TGM2: variants seen among roughly 807,000 people sequenced by gnomAD.
TGM2 encodes the protein transglutaminase 2.
A neutral mutation model predicts 75.6 loss-of-function variants in TGM2; 53 were observed. The observed-to-expected ratio is 0.70, with a 90% CI of 0.56 to 0.88. The LOEUF (loss-of-function observed/expected upper bound fraction) is 0.88. Among genes scored for constraint, TGM2 ranks in the 40% least tolerant of loss-of-function variants. The pLI, the probability that TGM2 is intolerant of heterozygous loss-of-function variation, is 0.00. For missense variants in TGM2, 842 were observed against 928.5 expected (o/e 0.91, Z 1.21); for synonymous variants, 374 against 381.1 (o/e 0.98, Z 0.22).
chr20:38,130,450 G>A, intron 12 of TGM2, 81 bp from the exon 13 acceptor site: 1 of 1,453,532 alleles, frequency 6.9e-7, no homozygotes, highest in Non-Finnish European at 9.3e-7. Context: ...GAAGTCACGT[G>A]ACCTCCGAGG....
At chr20:38,139,709 C>T in intron 8 of TGM2, 55 bp from the exon 9 acceptor site, 1 of 1,605,270 alleles carries the variant, frequency 6.2e-7, no homozygotes, top group East Asian at 2.2e-5. Flanking sequence ...GGGTGGTGTC[C>T]TCTAAAACGC....
chr20:38,152,295 C>T (rs1416614296), intron 3 of TGM2, among the ~76,000 whole-genome samples: 2 of 152,116 alleles, frequency 1.3e-5, no homozygotes, highest in Non-Finnish European at 2.9e-5. Context: ...TTGTCATGCC[C>T]GTCTGCAGCA....
intron 10 of TGM2, chr20:38,133,102 A>G (rs929413860): frequency 2.8e-6 from 1 of 352,622 alleles, no homozygotes; most frequent in African/African-American, 2.1e-5. Flanking sequence ...CACAGCTGAT[A>G]TGTACTGTGC....
At chr20:38,165,778 T>C (rs1490202681), upstream of TGM2, among the ~76,000 whole-genome samples, 1 of 147,624 alleles carries the variant, frequency 6.8e-6, no homozygotes. Context: ...GCTGTGGAGA[T>C]ACACACACAA....
intron 9 of TGM2, 143 bp downstream of exon 9, chr20:38,139,269 T>G: frequency 8.3e-7 from 1 of 1,205,862 alleles, no homozygotes; most frequent in Non-Finnish European, 1.2e-6. Context: ...AAGGCATTGC[T>G]GAAGATGGAG....
chr20:38,154,971 T>C (rs2075164220), intron 3 of TGM2, among the ~76,000 whole-genome samples: 1 of 152,200 alleles, frequency 6.6e-6, no homozygotes, highest in Admixed American at 6.5e-5. Flanking sequence ...CCAGGCGTGG[T>C]GGCACATGCC....
At chr20:38,149,060 T>C (rs45570438) in intron 4 of TGM2, among the ~76,000 whole-genome samples, 18,523 of 152,176 alleles carry the variant, frequency 0.12, 1,271 homozygotes, top group East Asian at 0.28. Context: ...TTCTCCCACC[T>C]CATCTCTTGG....
chr20:38,132,585 G>A (rs774003128), intron 10 of TGM2, 85 bp from the exon 11 acceptor site: 35 of 1,559,948 alleles, frequency 2.2e-5, no homozygotes, highest in Non-Finnish European at 2.9e-5. Context: ...ACAGAGAGGG[G>A]AAGGAATGTG....
At chr20:38,141,905 TG>T (rs960765678) in intron 7 of TGM2, among the ~76,000 whole-genome samples, 158 bp downstream of exon 7, 13 of 152,126 alleles carry the variant, frequency 8.5e-5, no homozygotes, top group Admixed American at 2.6e-4. Context: ...ATCATGTATG[TG>T]GTTGACTTTC....
intron 10 of TGM2, among the ~76,000 whole-genome samples, chr20:38,136,509 A>G (rs537975853): frequency 3.3e-5 from 5 of 152,252 alleles, no homozygotes; most frequent in South Asian, 2.1e-4. Flanking sequence ...CTTACCCCCG[A>G]TGGTCCTGCA....
intron 6 of TGM2, 95 bp downstream of exon 6, chr20:38,146,622 G>A (rs2294544): frequency 0.016 from 23,083 of 1,465,854 alleles, 668 homozygotes; most frequent in East Asian, 0.099. Context: ...TGGTGGCAGG[G>A]GGCAGGACCA....
chr20:38,157,533 G>C (rs1003405746), intron 2 of TGM2, among the ~76,000 whole-genome samples: 1 of 152,230 alleles, frequency 6.6e-6, no homozygotes, highest in Non-Finnish European at 1.5e-5. Context: ...GCCTGGGAGA[G>C]TCCAATCTCA....
chr20:38,163,425 C>A (rs1301856181), intron 1 of TGM2, among the ~76,000 whole-genome samples: 1 of 152,180 alleles, frequency 6.6e-6, no homozygotes, highest in East Asian at 1.9e-4. Flanking sequence ...TGAATTATCT[C>A]GACTTAAATC....
chr20:38,165,371 G>A, upstream of TGM2: 1 of 884,792 alleles, frequency 1.1e-6, no homozygotes, highest in South Asian at 1.6e-5. Flanking sequence ...CCATTGCCCA[G>A]TCCCGGGCCC....
At chr20:38,146,923 G>C (rs374999520) in intron 5 of TGM2, 29 bp from the exon 6 acceptor site, 1 of 1,607,220 alleles carries the variant, frequency 6.2e-7, no homozygotes, top group African/African-American at 1.3e-5. Context: ...CACGGGGACT[G>C]AGCCTGGGAT....
intron 2 of TGM2, among the ~76,000 whole-genome samples, chr20:38,156,745 C>A (rs2075193109): frequency 6.6e-6 from 1 of 152,194 alleles, no homozygotes. Flanking sequence ...CTTCCTACAG[C>A]CTTTTACACT....
At chr20:38,134,743 G>A (rs1306036481) in intron 10 of TGM2, among the ~76,000 whole-genome samples, 1 of 152,218 alleles carries the variant, frequency 6.6e-6, no homozygotes, top group African/African-American at 2.4e-5. Context: ...AGAGAAAGAA[G>A]CAGCAGAGAA....
Position 38,146,882 on chromosome 20 carries a change from C to G in TGM2, c.694G>C (p.Asp232His). Residue 232 changes from aspartate (D) to histidine (H), a missense_variant, in exon 6 of 13, where the codon GAT (aspartate) becomes CAT (histidine). Asp to His is a moderately conservative substitution (Grantham distance 81). Coordinates refer to ENST00000361475, the MANE Select transcript of TGM2 (RefSeq NM_004613.4). Reference sequence around the variant, plus strand: ...CGTCCCAGCAGCACACCCTGGTCATCGTTGCAGTTGACCTGCAACCAGTGG... The same window carrying G: ...CGTCCCAGCAGCACACCCTGGTCATGGTTGCAGTTGACCTGCAACCAGTGG... ...RVVSGMVNCN[D>H]DQGVLLGRWD... The G allele has an allele frequency of 6.2e-7, 1 of 1,613,186 alleles. No individual in the cohort carries two copies. Among genetic ancestry groups the G allele is most frequent in the Non-Finnish European group, 8.5e-7 (1 of 1,180,014 alleles).
At chr20:38,131,328 G>A (rs1366480275) in intron 11 of TGM2, 99 bp from the exon 12 acceptor site, 1 of 1,561,086 alleles carries the variant, frequency 6.4e-7, no homozygotes, top group African/African-American at 1.4e-5. Context: ...GAACAAAGCT[G>A]TACCCAGGTC....
Sources: allele counts gnomAD v4.1 joint callset (sites outside exome capture counted in the v4.1 genomes callset), GRCh38; gene constraint gnomAD v4.1.1; transcripts MANE v1.5; gene names NCBI Gene and HGNC (gene_info 2026-07-23, HGNC 2026-07-21).